Variants in NRXN3 observed in about 807,000 individuals in gnomAD.
NRXN3 encodes neurexin III.
Under a neutral mutation model 137.6 loss-of-function variants are expected in NRXN3, and 32 were observed. The ratio of observed to expected loss-of-function variants is 0.23; its 90% CI spans 0.18 to 0.31. NRXN3 has a LOEUF of 0.31. Ranked by LOEUF, NRXN3 falls within the 10% of genes least tolerant of loss-of-function variation. NRXN3 has a pLI of 1.00. For missense variants in NRXN3, 1,574 were observed against 2,062.5 expected, an observed-to-expected ratio of 0.76 and a Z score of 4.59; for synonymous variants, 798 against 784.5, an observed-to-expected ratio of 1.02 and a Z score of -0.29.
chr14:79,539,669 G>C (rs565280945), intron 16 of NRXN3, among the ~76,000 whole-genome samples: 17 of 152,288 alleles, frequency 1.1e-4, no homozygotes, highest in African/African-American at 4.1e-4. Context: ...CTAGAGAAAA[G>C]ATGGATAACA....
At chr14:79,452,056 A>T (rs573719593) in intron 15 of NRXN3, among the ~76,000 whole-genome samples, 2 of 152,262 alleles carry the variant, frequency 1.3e-5, no homozygotes, top group South Asian at 4.1e-4. Context: ...GACAGACAGG[A>T]TATATGGCTG....
At chr14:78,968,002 C>A (rs1411171467) in intron 13 of NRXN3, among the ~76,000 whole-genome samples, 171 bp from the exon 14 acceptor site, 1 of 139,396 alleles carries the variant, frequency 7.2e-6, no homozygotes, top group South Asian at 2.3e-4. Context: ...TATTGGTTTC[C>A]TTTTTTTGCA....
intron 4 of NRXN3, among the ~76,000 whole-genome samples, chr14:78,327,350 T>C (rs929488131): frequency 6.6e-6 from 1 of 152,122 alleles, no homozygotes; most frequent in Admixed American, 6.6e-5. Context: ...GAATCCTAGG[T>C]GAAGCAAACA....
At chr14:79,679,721 T>C (rs1328749132) in intron 17 of NRXN3, among the ~76,000 whole-genome samples, 1 of 152,170 alleles carries the variant, frequency 6.6e-6, no homozygotes, top group Non-Finnish European at 1.5e-5. Context: ...AGGACTAATA[T>C]TCAATACAGA....
rs1215397845 is a variant in NRXN3 at position 78,968,164 on chromosome 14, C to T, written c.2969-9C>T. 5.8e-6 allele frequency: 9 copies of T among 1,549,810 alleles called. No individual in the cohort carries two copies. In the Admixed American group the frequency reaches 1.2e-4, roughly 21 times the overall value. Reference sequence around the variant, plus strand: ...CTCATTCTCTTTTGCTAATTACTTTCCTTTCCAGGTGATCTCTATATGGCT... The same window carrying T: ...CTCATTCTCTTTTGCTAATTACTTTTCTTTCCAGGTGATCTCTATATGGCT... On this transcript the variant is annotated splice_polypyrimidine_tract_variant and intron_variant, in intron 13 of 20. Transcript: ENST00000335750.
chr14:79,377,533 C>G (rs2094340095), intron 15 of NRXN3, among the ~76,000 whole-genome samples: 1 of 152,110 alleles, frequency 6.6e-6, no homozygotes, highest in African/African-American at 2.4e-5. Context: ...GCAGGCAGAT[C>G]ACCTGAGGTC....
intron 1 of NRXN3, among the ~76,000 whole-genome samples, chr14:78,238,559 C>A (rs1346771513): frequency 1.3e-5 from 2 of 152,234 alleles, no homozygotes; most frequent in Admixed American, 6.5e-5. Context: ...GTAAGGGCAT[C>A]TCTAGCTTTT....
At chr14:78,319,621 A>G (rs774120965) in intron 4 of NRXN3, among the ~76,000 whole-genome samples, 12 of 152,108 alleles carry the variant, frequency 7.9e-5, no homozygotes, top group Non-Finnish European at 1.6e-4. Flanking sequence ...GGTGGTTGCT[A>G]TGGGCTTGGG....
chr14:78,437,413 A>C, intron 4 of NRXN3, among the ~76,000 whole-genome samples: 1 of 150,506 alleles, frequency 6.6e-6, no homozygotes, highest in Non-Finnish European at 1.5e-5. Context: ...CAGTGGCATG[A>C]TCTCAGCTCA....
At chr14:79,677,486 A>G (rs2154006989) in intron 17 of NRXN3, among the ~76,000 whole-genome samples, 1 of 152,240 alleles carries the variant, frequency 6.6e-6, no homozygotes, top group South Asian at 2.1e-4. Context: ...GAATAGCTGG[A>G]TTAGTTTACT....
intron 4 of NRXN3, among the ~76,000 whole-genome samples, chr14:78,488,547 T>C (rs1159790658): frequency 1.3e-5 from 2 of 152,134 alleles, no homozygotes; most frequent in Middle Eastern, 3.2e-3. Flanking sequence ...TTTTCTTTTA[T>C]TTTGATATTT....
At chr14:79,490,038 CAAAAA>C (rs370581169) in intron 16 of NRXN3, among the ~76,000 whole-genome samples, 1 of 72,856 alleles carries the variant, frequency 1.4e-5, no homozygotes, top group African/African-American at 5.0e-5. Flanking sequence ...TACTCCATCT[CAAAAA>C]AAAAAAAAAA....
rs1467969611 is a variant in NRXN3, at chr14:78,998,528, T to TA, written c.3262+10390dup. On this transcript the variant is annotated intron_variant, in intron 15 of 20. Coordinates refer to ENST00000335750, the MANE Select transcript of NRXN3 (RefSeq NM_001330195.2). ...TTGCAAGAAGCTGCGCAAAGCTAGT[T>TA]AAAGACTTGCCAATGTGTCTCTATC... Among the ~76,000 whole-genome samples the TA allele has an allele frequency of 3.3e-5, 5 of 152,174 alleles. No individual in the cohort carries two copies. The East Asian group carries it at 9.6e-4, about 29-fold the overall frequency.
chr14:79,448,253 C>G (rs77381699), intron 15 of NRXN3, among the ~76,000 whole-genome samples: 1 of 152,212 alleles, frequency 6.6e-6, no homozygotes, highest in African/African-American at 2.4e-5. Context: ...CATTCTCCCT[C>G]TCTGCACTCA....
intron 16 of NRXN3, among the ~76,000 whole-genome samples, chr14:79,645,427 C>G (rs1226623408): frequency 7.5e-6 from 1 of 133,188 alleles, no homozygotes; most frequent in East Asian, 2.0e-4. Flanking sequence ...ACCAGCCTGG[C>G]CAACATGGTG....
chr14:79,372,214 A>G (rs934524357), intron 15 of NRXN3, among the ~76,000 whole-genome samples: 1 of 152,166 alleles, frequency 6.6e-6, no homozygotes, highest in African/African-American at 2.4e-5. Flanking sequence ...AAAACACACC[A>G]TATTAAACTT....
At chr14:79,266,071 A>G (rs1323654162) in intron 15 of NRXN3, among the ~76,000 whole-genome samples, 1 of 152,168 alleles carries the variant, frequency 6.6e-6, no homozygotes, top group Non-Finnish European at 1.5e-5. Flanking sequence ...TATTATAAAA[A>G]TTAAAATTTT....
intron 10 of NRXN3, among the ~76,000 whole-genome samples, chr14:78,908,230 T>G (rs1315779643): frequency 6.6e-6 from 1 of 152,136 alleles, no homozygotes; most frequent in East Asian, 1.9e-4. Context: ...AATCCTCTTA[T>G]TTATTTCCCA....
intron 19 of NRXN3, among the ~76,000 whole-genome samples, chr14:79,753,210 C>T (rs1322170024): frequency 2.0e-5 from 3 of 151,904 alleles, no homozygotes; most frequent in Non-Finnish European, 4.4e-5. Context: ...CCCAGCCATC[C>T]CATTACTGGG....
Sources: allele counts gnomAD v4.1 joint callset (sites outside exome capture counted in the v4.1 genomes callset), GRCh38; gene constraint gnomAD v4.1.1; transcripts MANE v1.5; gene names NCBI Gene and HGNC (gene_info 2026-07-23, HGNC 2026-07-21).